Variants in KCNMA1 observed in about 807,000 individuals in gnomAD.
KCNMA1 encodes the protein Calcium-activated potassium channel subunit alpha-1.
Under a neutral mutation model 140.0 loss-of-function variants are expected in KCNMA1, and 29 were observed. The observed-to-expected ratio is 0.21, with a 90% CI of 0.15 to 0.28. The LOEUF (loss-of-function observed/expected upper bound fraction) is 0.28, where lower values mean the gene tolerates loss of function less well. Among genes scored for constraint, KCNMA1 ranks in the 10% least tolerant of loss-of-function variants. KCNMA1 has a pLI of 1.00. For missense variants in KCNMA1, 880 were observed against 1,602.2 expected (o/e 0.55, Z 7.70); for synonymous variants, 612 against 611.9 (o/e 1.00, Z 0.00).
chr10:77,411,986 C>A (rs528275417), intron 1 of KCNMA1, among the ~76,000 whole-genome samples: 1 of 152,206 alleles, frequency 6.6e-6, no homozygotes, highest in Admixed American at 6.5e-5. Flanking sequence ...CTCTGCCCAG[C>A]GGTCTCCAGC....
At chr10:77,138,061 C>T (rs2098086132) in intron 5 of KCNMA1, among the ~76,000 whole-genome samples, 1 of 152,070 alleles carries the variant, frequency 6.6e-6, no homozygotes, top group Non-Finnish European at 1.5e-5. Flanking sequence ...GGATTGTCGC[C>T]CATTCATTCA....
chr10:77,627,510 C>A (rs528348262), intron 1 of KCNMA1, among the ~76,000 whole-genome samples: 1 of 152,112 alleles, frequency 6.6e-6, no homozygotes, highest in Non-Finnish European at 1.5e-5. Context: ...CAAAGGGAAA[C>A]CACACTGTCT....
chr10:76,982,881 C>A (rs547401326), intron 19 of KCNMA1, among the ~76,000 whole-genome samples: 1 of 152,256 alleles, frequency 6.6e-6, no homozygotes, highest in Admixed American at 6.5e-5. Context: ...CTGTCCAGTT[C>A]CATTGAAGTT....
In KCNMA1 at chr10:77,546,070, G is replaced by A. The variant is rs562583074; in HGVS notation, c.378+91195C>T. On this transcript the variant is annotated intron_variant, in intron 1 of 27. Transcript: ENST00000286628. ...TGGCTGTCCCTTGGAGGGAAGGAGA[G>A]ACACCCAACACCACAGCCCAGAAGG... Among the ~76,000 whole-genome samples, 7 of 152,278 alleles carry A rather than the reference G, an allele frequency of 4.6e-5. No homozygotes were observed. The South Asian group carries it at 1.5e-3, about 32-fold the overall frequency.
chr10:76,992,042 T>C (rs1424219176), intron 19 of KCNMA1, among the ~76,000 whole-genome samples: 1 of 152,226 alleles, frequency 6.6e-6, no homozygotes, highest in Non-Finnish European at 1.5e-5. Flanking sequence ...TTCCATTTTC[T>C]ATTTGCATAG....
At chr10:76,937,038 A>C (rs1240196679) in intron 23 of KCNMA1, among the ~76,000 whole-genome samples, 4 of 152,218 alleles carry the variant, frequency 2.6e-5, no homozygotes, top group African/African-American at 7.2e-5. Context: ...GTTATAAAGG[A>C]CCACAGAACT....
chr10:77,483,676 A>G (rs917644683), intron 1 of KCNMA1, among the ~76,000 whole-genome samples: 5 of 152,214 alleles, frequency 3.3e-5, no homozygotes, highest in Admixed American at 2.6e-4. Context: ...ACTGGAAATA[A>G]CAGGAGTGTG....
At chr10:77,514,067 A>C (rs1442599097) in intron 1 of KCNMA1, among the ~76,000 whole-genome samples, 1 of 152,234 alleles carries the variant, frequency 6.6e-6, no homozygotes, top group Non-Finnish European at 1.5e-5. Context: ...CAGGCTGAAA[A>C]ATCAATTTGC....
At chr10:77,217,236 T>G (rs1362042016) in intron 3 of KCNMA1, among the ~76,000 whole-genome samples, 1 of 150,598 alleles carries the variant, frequency 6.6e-6, no homozygotes, top group Non-Finnish European at 1.5e-5. Context: ...ACCTAGAAGG[T>G]GGAGATTGCA....
intron 21 of KCNMA1, chr10:76,951,886 C>A: frequency 1.3e-6 from 1 of 763,614 alleles, no homozygotes; most frequent in East Asian, 2.8e-5. Context: ...CTTCCCCCAG[C>A]CCCACCCTGC....
intron 2 of KCNMA1, among the ~76,000 whole-genome samples, chr10:77,281,619 AC>A (rs1251984064): frequency 6.6e-6 from 1 of 152,100 alleles, no homozygotes; most frequent in African/African-American, 2.4e-5. Flanking sequence ...ACTCTATGGC[AC>A]CCTGCTCCAG....
intron 5 of KCNMA1, among the ~76,000 whole-genome samples, chr10:77,155,082 C>T (rs1364290826): frequency 6.6e-6 from 1 of 152,080 alleles, no homozygotes; most frequent in Non-Finnish European, 1.5e-5. Flanking sequence ...CAGGAGAAGG[C>T]AGAAGCTCTA....
chr10:77,104,645 C>T (rs901696428), intron 9 of KCNMA1, among the ~76,000 whole-genome samples: 11 of 152,234 alleles, frequency 7.2e-5, no homozygotes, highest in Admixed American at 1.3e-4. Flanking sequence ...GGGTGGCTCC[C>T]GGCTGGACTC....
intron 5 of KCNMA1, among the ~76,000 whole-genome samples, chr10:77,166,354 T>C (rs1202569487): frequency 6.6e-6 from 1 of 152,148 alleles, no homozygotes; most frequent in Admixed American, 6.5e-5. Flanking sequence ...ATGCAACCTG[T>C]TTGGTGTTAT....
In KCNMA1 at chr10:77,418,199, CCTT is replaced by C. The variant is rs373073548; in HGVS notation, c.379-14179_379-14177del. Among the ~76,000 whole-genome samples, 23 of 152,256 alleles carry C rather than the reference CCTT, an allele frequency of 1.5e-4. No individual in the cohort carries two copies. The East Asian group carries it at 4.5e-3, about 29-fold the overall frequency. ...CTTTTTCCATTGGATTCAGAGAACT[CCTT>C]CTCCTTTTCCTTCTCGATCCCTAAT... On this transcript the variant is annotated intron_variant, in intron 1 of 27. Coordinates refer to ENST00000286628, the MANE Select transcript of KCNMA1 (RefSeq NM_001161352.2).
chr10:77,265,443 A>G (rs1407480172), intron 2 of KCNMA1, among the ~76,000 whole-genome samples: 2 of 152,234 alleles, frequency 1.3e-5, no homozygotes, highest in African/African-American at 4.8e-5. Context: ...CCTTATTTAT[A>G]AAAGATAAAA....
At position 77,345,186 on chromosome 10, in the gene KCNMA1, C is replaced by T. The variant is rs370136960; in HGVS notation, c.540+58676G>A. Among the ~76,000 whole-genome samples, 12 of 152,266 alleles carry T rather than the reference C, an allele frequency of 7.9e-5. No individual in the cohort carries two copies. In the East Asian group the frequency reaches 1.9e-3, roughly 24 times the overall value. On this transcript the variant is annotated intron_variant, in intron 2 of 27. Transcript: ENST00000286628. The stretch of plus-strand genomic sequence containing the variant: ...ATAAATGAATGGCTTCCTTGTGTTT[C>T]CTGCCTTCTTTACCAGGGTTATTTG...
intron 1 of KCNMA1, among the ~76,000 whole-genome samples, chr10:77,439,014 C>CAGT (rs367624661): frequency 0.13 from 19,161 of 151,010 alleles, 1,259 homozygotes; most frequent in Middle Eastern, 0.19. Flanking sequence ...AGGCCGAGGC[C>CAGT]GAGCCCAGAT....
downstream of KCNMA1, among the ~76,000 whole-genome samples, chr10:76,882,753 T>C (rs1277007683): frequency 1.3e-5 from 2 of 152,150 alleles, no homozygotes; most frequent in Non-Finnish European, 2.9e-5. Context: ...CTAATCCCTT[T>C]CGGATAATCC....
Sources: gnomAD v4.1 joint callset for allele counts (sites outside exome capture counted in the v4.1 genomes callset) on GRCh38, gnomAD v4.1.1 for gene constraint, MANE v1.5 for transcripts, NCBI Gene and HGNC (gene_info 2026-07-23, HGNC 2026-07-21) for gene names.